Variants in MYO5B observed in about 807,000 individuals in gnomAD.
The protein encoded by MYO5B is unconventional myosin-Vb.
In MYO5B, 143 loss-of-function variants were observed where a neutral mutation model predicts 229.3. That is an observed-to-expected ratio of 0.62 (90% CI 0.54 to 0.72). MYO5B has a LOEUF of 0.72. MYO5B is among the 30% of genes least tolerant of loss of function. The probability of loss-of-function intolerance (pLI) is 0.00; values close to 1 mark genes in which losing one functional copy is unlikely to be tolerated. For missense variants in MYO5B, 2,321 were observed against 2,331.0 expected, an observed-to-expected ratio of 1.00 and a Z score of 0.09; for synonymous variants, 918 against 885.2, an observed-to-expected ratio of 1.04 and a Z score of -0.66.
intron 21 of MYO5B, among the ~76,000 whole-genome samples, chr18:49,895,605 T>C (rs1612142): frequency 0.85 from 129,364 of 152,220 alleles, 55,067 homozygotes; most frequent in East Asian, 0.96. Context: ...GCACAAAGAG[T>C]TGCAATCTAA....
At chr18:49,995,094 G>A (rs934533216) in intron 5 of MYO5B, among the ~76,000 whole-genome samples, 7 of 152,036 alleles carry the variant, frequency 4.6e-5, no homozygotes, top group East Asian at 1.9e-4. Flanking sequence ...CAAAGTCTGC[G>A]TTCATTCTAC....
chr18:49,940,184 T>A (rs2025298686), intron 14 of MYO5B, among the ~76,000 whole-genome samples: 1 of 152,164 alleles, frequency 6.6e-6, no homozygotes. Flanking sequence ...CTAGGTGAAT[T>A]CAAAAAGTCC....
chr18:49,895,133 G>A lies in MYO5B; in HGVS notation c.2853C>T (p.Thr951=), dbSNP rs2024763636. ...CTACCTCCATGGTGTATGTTGAGGT[G>A]GTCACGGACAACTGCTCTGAAAGTG... ...FKTLSEQLSV[T]TSTYTMEVER... Residue 951 remains threonine (T), a synonymous_variant, in exon 22 of 40, where the codon ACC becomes ACT. Coordinates refer to ENST00000285039, the MANE Select transcript of MYO5B (RefSeq NM_001080467.3). The A allele has an allele frequency of 6.2e-7, 1 of 1,614,100 alleles. No individual in the cohort carries two copies. The highest frequency in any genetic ancestry group is 1.7e-5 in the Admixed American group (1 of 60,020).
At chr18:49,852,336 G>T (rs1490163567) in intron 31 of MYO5B, among the ~76,000 whole-genome samples, 1 of 152,228 alleles carries the variant, frequency 6.6e-6, no homozygotes. Context: ...AAGCTGGCCA[G>T]GTAGGTTTCT....
chr18:50,092,748 G>A (rs955959227), intron 1 of MYO5B, among the ~76,000 whole-genome samples: 1 of 152,060 alleles, frequency 6.6e-6, no homozygotes, highest in Non-Finnish European at 1.5e-5. Context: ...AAGGGGAAGA[G>A]GAAATGATAT....
chr18:49,904,942 C>G, intron 19 of MYO5B, 114 bp from the exon 20 acceptor site: 1 of 1,308,698 alleles, frequency 7.6e-7, no homozygotes, highest in South Asian at 1.3e-5. Flanking sequence ...CCTACCTGGA[C>G]ACACCCAGGG....
At position 50,170,398 on chromosome 18, in the gene MYO5B, A is replaced by T. The variant is rs1222813903; in HGVS notation, c.27+24369T>A. 3.1e-5 allele frequency among the ~76,000 whole-genome samples: 4 copies of T among 128,184 alleles called. 1 individual carries two copies. The highest frequency in any genetic ancestry group is 5.9e-5 in the African/African-American group (2 of 33,952). The allele number at this position is 128,184 out of a possible 152,430, so 84.1% of individuals were successfully genotyped here. A position where few individuals can be genotyped will look rare whatever the true frequency, so the allele number is the denominator to read the frequency against. ...AGAAAGATCCTAGATGCTAGACTTA[A>T]GGTAACCTTTAGAATATTACCTACA... On this transcript the variant is annotated intron_variant, in intron 1 of 39. Transcript: ENST00000285039.
intron 1 of MYO5B, among the ~76,000 whole-genome samples, chr18:50,139,602 C>T (rs2032386766): frequency 6.6e-6 from 1 of 152,098 alleles, no homozygotes; most frequent in African/African-American, 2.4e-5. Context: ...TCTGGGGAGC[C>T]CTTTGCCCAG....
intron 1 of MYO5B, among the ~76,000 whole-genome samples, chr18:50,165,081 G>T (rs1281809246): frequency 6.6e-6 from 1 of 152,234 alleles, no homozygotes; most frequent in African/African-American, 2.4e-5. Flanking sequence ...AATCAACAGA[G>T]AATCAAGGGT....
chr18:49,884,251 C>G (rs1000152476), intron 22 of MYO5B, among the ~76,000 whole-genome samples: 11 of 152,182 alleles, frequency 7.2e-5, no homozygotes, highest in African/African-American at 2.7e-4. Flanking sequence ...AGTCTCCAAA[C>G]TTTTTGGCAC....
At chr18:49,988,947 A>G (rs2025899870) in intron 7 of MYO5B, among the ~76,000 whole-genome samples, 2 of 152,198 alleles carry the variant, frequency 1.3e-5, no homozygotes, top group African/African-American at 4.8e-5. Context: ...AGAACAGGAC[A>G]TAACTAACAA....
At chr18:49,834,257 A>G (rs1218394085) in intron 39 of MYO5B, among the ~76,000 whole-genome samples, 1 of 152,114 alleles carries the variant, frequency 6.6e-6, no homozygotes. Context: ...ATAAACCTCC[A>G]TTTGGTTCCC....
chr18:49,917,342 T>C (rs2025028173), intron 17 of MYO5B, among the ~76,000 whole-genome samples: 1 of 152,180 alleles, frequency 6.6e-6, no homozygotes, highest in African/African-American at 2.4e-5. Flanking sequence ...TCACAGAGGG[T>C]GCTACTGGCT....
chr18:49,874,610 T>C (rs2024495045), intron 26 of MYO5B, among the ~76,000 whole-genome samples: 1 of 152,184 alleles, frequency 6.6e-6, no homozygotes, highest in South Asian at 2.1e-4. Context: ...TCACAATTGA[T>C]TGCAAAGGGA....
At chr18:50,098,328 A>T (rs2292380) in intron 1 of MYO5B, among the ~76,000 whole-genome samples, 20,359 of 152,096 alleles carry the variant, frequency 0.13, 1,420 homozygotes, top group East Asian at 0.23. Flanking sequence ...GTAAACTAGC[A>T]ATCGTTGCTT....
intron 17 of MYO5B, 112 bp downstream of exon 17, chr18:49,929,399 AC>A (rs2025164191): frequency 1.2e-6 from 1 of 806,710 alleles, no homozygotes; most frequent in Non-Finnish European, 2.0e-6. Flanking sequence ...ATGTTTGGGA[AC>A]CGTTTTGAAG....
intron 27 of MYO5B, among the ~76,000 whole-genome samples, chr18:49,870,860 G>A (rs2024448602): frequency 1.3e-5 from 2 of 152,226 alleles, no homozygotes; most frequent in Admixed American, 1.3e-4. Context: ...GTAAAATGGT[G>A]CAGCTGCTAT....
intron 4 of MYO5B, among the ~76,000 whole-genome samples, chr18:50,020,291 A>G (rs2026260069): frequency 6.6e-6 from 1 of 152,160 alleles, no homozygotes; most frequent in Non-Finnish European, 1.5e-5. Flanking sequence ...TGCATCCAAC[A>G]TTTCAGTATC....
chr18:50,149,024 T>C (rs1195336008), intron 1 of MYO5B, among the ~76,000 whole-genome samples: 2 of 150,794 alleles, frequency 1.3e-5, no homozygotes, highest in Non-Finnish European at 3.0e-5. Context: ...ATCACAAGCA[T>C]TCTTATACAC....
Sources: allele counts gnomAD v4.1 joint callset (sites outside exome capture counted in the v4.1 genomes callset), GRCh38; gene constraint gnomAD v4.1.1; transcripts MANE v1.5; gene names NCBI Gene and HGNC (gene_info 2026-07-23, HGNC 2026-07-21).